The following DNAJB5 variants were observed in gnomAD, a reference collection of about 807,000 sequenced individuals.
DNAJB5 encodes the protein dnaJ homolog subfamily B member 5.
A neutral mutation model predicts 32.6 loss-of-function variants in DNAJB5; 12 were observed. That is an observed-to-expected ratio of 0.37 (90% CI 0.24 to 0.60). DNAJB5 has a LOEUF of 0.60. Ranked by LOEUF, DNAJB5 falls within the 20% of genes least tolerant of loss-of-function variation. DNAJB5 has a pLI of 0.71. For synonymous variants in DNAJB5, 188 were observed against 212.9 expected (o/e 0.88, Z 1.02); for missense variants, 358 against 554.2 (o/e 0.65, Z 3.55).
In DNAJB5 at chr9:34,993,246, T is replaced by C. The variant is rs774759155; in HGVS notation, c.229T>C (p.Tyr77His). 6.2e-7 allele frequency: 1 copy of C among 1,613,978 alleles called. No homozygotes were observed. The highest frequency in any genetic ancestry group is 2.2e-5 in the East Asian group (1 of 44,872). The change falls in exon 3 of 5, where the codon TAT becomes CAT. Residue 77 changes from tyrosine (Y) to histidine (H), a missense_variant. Around this residue, in one of 2 missense-constraint regions of DNAJB5, gnomAD observed 110 missense variants for 111.7 expected, o/e 0.99. Transcript: ENST00000682809. This position sits in a 1 kb window ranked among gnomAD's most constrained non-coding sequence, Gnocchi z 4.7. The stretch of plus-strand genomic sequence containing the variant: ...TCCAGTGGCTGTGATGGGAAAAGAT[T>C]ATTACAAGATTCTTGGGATCCCATC... ...AGPVAVMGKDYYKILGIPSGA... is the reference protein window; with the variant it reads ...AGPVAVMGKDHYKILGIPSGA...
chr9:34,996,271 A>G lies in DNAJB5; in HGVS notation c.434A>G (p.Lys145Arg). Reference sequence around the variant, plus strand: ...AACTTCTCCTCCCCTCTAGGCCTGAAGACCGGCGGTGGCACATCAGGTGGC... The same window carrying G: ...AACTTCTCCTCCCCTCTAGGCCTGAGGACCGGCGGTGGCACATCAGGTGGC... ...LYDQYGEEGL[K>R]TGGGTSGGSS... The change falls in exon 4 of 5, where the codon AAG (lysine) becomes AGG (arginine). Residue 145 changes from lysine to arginine, a missense_variant. By Grantham distance (26) the Lys-to-Arg change is conservative. Around this residue, in one of 2 missense-constraint regions of DNAJB5, gnomAD observed 248 missense variants for 442.6 expected, o/e 0.56. Transcript: ENST00000682809. This position sits in a 1 kb window ranked among gnomAD's most constrained non-coding sequence, Gnocchi z 7.2. The G allele has an allele frequency of 6.2e-7, 1 of 1,613,106 alleles. No individual in the cohort carries two copies. Among genetic ancestry groups the G allele is most frequent in the Non-Finnish European group, 8.5e-7 (1 of 1,179,292 alleles).
downstream of DNAJB5, chr9:34,998,803 G>A (rs1158887448): frequency 1.3e-5 from 2 of 150,378 alleles, no homozygotes; most frequent in African/African-American, 4.9e-5. Context: ...AGGAGGGGGT[G>A]GAGAACTTTT....
In DNAJB5 at chr9:34,991,620, C is replaced by T. The variant is rs1012058580; in HGVS notation, c.182+808C>T. The T allele has an allele frequency of 2.4e-5, 5 of 212,516 alleles. No homozygotes were observed. In the East Asian group the frequency reaches 3.9e-4, roughly 16 times the overall value. The allele number at this position is 212,516 out of a possible 1,614,324, so 13.2% of individuals were successfully genotyped here. A position where few individuals can be genotyped will look rare whatever the true frequency, so the allele number is the denominator to read the frequency against. Reference sequence around the variant, plus strand: ...TGAGGCAGAAATGGCAGACCACCCCCCCCCGCTCCCTCTCAGACGGCTTTT... The same window carrying T: ...TGAGGCAGAAATGGCAGACCACCCCTCCCCGCTCCCTCTCAGACGGCTTTT... On this transcript the variant is annotated intron_variant, in intron 2 of 4. Transcript: ENST00000682809.
chr9:34,996,437 C>T lies in DNAJB5; in HGVS notation c.600C>T (p.Asp200=), dbSNP rs376527177. ...TRPFSGFDPD[D]MDVDEDEDPF... is the part of the protein sequence containing the mutation. ...CCTTCAGTGGCTTTGACCCAGATGA[C>T]ATGGATGTGGATGAAGATGAGGACC... Residue 200 remains aspartate (D), a synonymous_variant, in exon 4 of 5, where the codon GAC becomes GAT. Transcript: ENST00000682809. This position sits in a 1 kb window ranked among gnomAD's most constrained non-coding sequence, Gnocchi z 7.2. The T allele has an allele frequency of 1.2e-5, 20 of 1,614,044 alleles. No homozygotes were observed. The Middle Eastern group carries it at 6.6e-4, about 53-fold the overall frequency.
chr9:34,995,150 C>T (rs1025578502), intron 3 of DNAJB5, among the ~76,000 whole-genome samples: 7 of 152,086 alleles, frequency 4.6e-5, no homozygotes, highest in South Asian at 2.1e-4. Flanking sequence ...GTCCCTGAAC[C>T]GTCTGCCACT....
chr9:34,997,438 G>C lies in DNAJB5; in HGVS notation c.*179G>C. The stretch of plus-strand genomic sequence containing the variant: ...GACCCCTTTTAGAGCTGGGCTGCCT[G>C]GGGGGAGTGGGAGGGAGGTGGGGAG... On this transcript the variant is annotated 3_prime_UTR_variant, in exon 5 of 5. Transcript: ENST00000682809. This position sits in a 1 kb window ranked among gnomAD's most constrained non-coding sequence, Gnocchi z 4.1. 1 of 749,218 alleles carries C rather than the reference G, an allele frequency of 1.3e-6. No homozygotes were observed. The highest frequency in any genetic ancestry group is 2.3e-6 in the Non-Finnish European group (1 of 429,406). 46.4% of individuals were successfully genotyped at this position (749,218 alleles called of 1,614,324 possible).
rs373116154 is a variant in DNAJB5, at chr9:34,997,260, G to A, written c.*1G>A. The stretch of plus-strand genomic sequence containing the variant: ...TAAGCAGCACCTACCCTGTTCCTAG[G>A]CTCTGCCCCAGCCAGTCCAGAGCCT... On this transcript the variant is annotated 3_prime_UTR_variant, in exon 5 of 5. Transcript: ENST00000682809. This position sits in a 1 kb window ranked among gnomAD's most constrained non-coding sequence, Gnocchi z 4.1. 6.2e-7 allele frequency: 1 copy of A among 1,613,968 alleles called. No homozygotes were observed. Among genetic ancestry groups the A allele is most frequent in the Admixed American group, 1.7e-5 (1 of 60,012 alleles).
chr9:34,998,854 G>A (rs1008478732), downstream of DNAJB5: 5 of 132,280 alleles, frequency 3.8e-5, no homozygotes, highest in Admixed American at 9.1e-5. Context: ...TTGCTCTGTC[G>A]CCCAGGCTGG....
Position 34,993,552 on chromosome 9 carries a change from C to T in DNAJB5, c.427+108C>T. The T allele has an allele frequency of 6.9e-7, 1 of 1,439,964 alleles. No homozygotes were observed. Among genetic ancestry groups the T allele is most frequent in the Non-Finnish European group, 9.3e-7 (1 of 1,071,954 alleles). The allele number at this position is 1,439,964 out of a possible 1,614,324, so 89.2% of individuals were successfully genotyped here. ...CTGGAGGCTGTGGAGGGGGTGAGGGCAGCAAGGGTTTCCAGCACTGTCACC... is the reference window on the plus strand; with the variant it reads ...CTGGAGGCTGTGGAGGGGGTGAGGGTAGCAAGGGTTTCCAGCACTGTCACC... On this transcript the variant is annotated intron_variant, in intron 3 of 4. Coordinates refer to ENST00000682809, the MANE Select transcript of DNAJB5 (RefSeq NM_001349723.3). This position sits in a 1 kb window ranked among gnomAD's most constrained non-coding sequence, Gnocchi z 4.7.
At position 34,990,880 on chromosome 9, in the gene DNAJB5, C is replaced by T. The variant is rs1175073944; in HGVS notation, c.182+68C>T. 18 of 1,459,422 alleles carry T rather than the reference C, an allele frequency of 1.2e-5. No individual in the cohort carries two copies. Among genetic ancestry groups the T allele is most frequent in the Non-Finnish European group, 1.6e-5 (18 of 1,091,088 alleles). The allele number at this position is 1,459,422 out of a possible 1,614,324, so 90.4% of individuals were successfully genotyped here. On this transcript the variant is annotated intron_variant, in intron 2 of 4. Coordinates refer to ENST00000682809, the MANE Select transcript of DNAJB5 (RefSeq NM_001349723.3). This position sits in a 1 kb window ranked among gnomAD's most constrained non-coding sequence, Gnocchi z 4.5. ...AAACCCTCCACGCGGCCATCCCCTCCATTGCCTTCCTGCTTCCTCCAACTC... is the reference window on the plus strand; with the variant it reads ...AAACCCTCCACGCGGCCATCCCCTCTATTGCCTTCCTGCTTCCTCCAACTC...
At chr9:34,994,748 C>T (rs1381532920) in intron 3 of DNAJB5, among the ~76,000 whole-genome samples, 2 of 152,290 alleles carry the variant, frequency 1.3e-5, no homozygotes, top group Admixed American at 6.5e-5. Context: ...GATGCAGAAC[C>T]CCATCCCAGG....
intron 2 of DNAJB5, chr9:34,991,231 C>T: frequency 2.2e-6 from 1 of 448,170 alleles, no homozygotes; most frequent in Non-Finnish European, 4.5e-6. Context: ...TAACATCCTC[C>T]TCATTCTTCT....
At position 34,990,821 on chromosome 9, in the gene DNAJB5, C is replaced by T; in HGVS notation, c.182+9C>T. On this transcript the variant is annotated intron_variant, in intron 2 of 4. Transcript: ENST00000682809. The surrounding 1 kb of genome is among the most constrained non-coding windows in gnomAD (Gnocchi z 4.5). ...GGGTTTGTAAAGTTTCGGTAAGTCCCTCCGGAGAAGGGCACTCACACCCAT... is the reference window on the plus strand; with the variant it reads ...GGGTTTGTAAAGTTTCGGTAAGTCCTTCCGGAGAAGGGCACTCACACCCAT... 1 of 1,546,744 alleles carries T rather than the reference C, an allele frequency of 6.5e-7. No individual in the cohort carries two copies. The highest frequency in any genetic ancestry group is 8.7e-7 in the Non-Finnish European group (1 of 1,144,666).
rs1827580022 is a variant in DNAJB5 at position 34,990,106 on chromosome 9, C to G, written c.-133+275C>G. The G allele has an allele frequency of 1.3e-6, 1 of 763,242 alleles. No homozygotes were observed. Among genetic ancestry groups the G allele is most frequent in the South Asian group, 1.9e-5 (1 of 53,958 alleles). The allele number at this position is 763,242 out of a possible 1,614,324, so 47.3% of individuals were successfully genotyped here. On this transcript the variant is annotated intron_variant, in intron 1 of 4. Coordinates refer to ENST00000682809, the MANE Select transcript of DNAJB5 (RefSeq NM_001349723.3). This position sits in a 1 kb window ranked among gnomAD's most constrained non-coding sequence, Gnocchi z 4.5. ...TGGGGCGGAGGCATCTGTGAGCAGA[C>G]CAGCCAGCCAGCGCGGGTGACATCA...
In DNAJB5 at chr9:34,990,802, G is replaced by C. The variant is rs1827606992; in HGVS notation, c.172G>C (p.Val58Leu). 9 of 1,550,910 alleles carry C rather than the reference G, an allele frequency of 5.8e-6. No homozygotes were observed. The highest frequency in any genetic ancestry group is 7.8e-6 in the Non-Finnish European group (9 of 1,146,658). The change falls in exon 2 of 5, where the codon GTA (valine) becomes CTA (leucine). Residue 58 changes from valine to leucine, a missense_variant. Transcript: ENST00000682809. The surrounding 1 kb of genome is among the most constrained non-coding windows in gnomAD (Gnocchi z 4.5). ...TCGAGCGTGGACGCTGAATGGGTTTGTAAAGTTTCGGTAAGTCCCTCCGGA... is the reference window on the plus strand; with the variant it reads ...TCGAGCGTGGACGCTGAATGGGTTTCTAAAGTTTCGGTAAGTCCCTCCGGA... ...KLRAWTLNGF[V>L]KFRNKETSAG...
At chr9:34,994,717 G>A (rs1383643096) in intron 3 of DNAJB5, among the ~76,000 whole-genome samples, 3 of 152,162 alleles carry the variant, frequency 2.0e-5, no homozygotes, top group Non-Finnish European at 4.4e-5. Context: ...CCTAAGTGAA[G>A]GGGTCCAGAC....
At position 34,997,091 on chromosome 9, in the gene DNAJB5, T is replaced by C; in HGVS notation, c.1095T>C (p.Asn365=). The change falls in exon 5 of 5, where the codon AAT becomes AAC. Residue 365 remains asparagine (N), a synonymous_variant. Coordinates refer to ENST00000682809, the MANE Select transcript of DNAJB5 (RefSeq NM_001349723.3). This position sits in a 1 kb window ranked among gnomAD's most constrained non-coding sequence, Gnocchi z 4.1. ...IDGRVIPLPC[N]DVIKPGTVKR... ...GCCGAGTGATCCCTTTGCCCTGCAA[T>C]GATGTCATCAAGCCAGGCACCGTGA... 1.2e-6 allele frequency: 2 copies of C among 1,614,158 alleles called. No homozygotes were observed. Among genetic ancestry groups the C allele is most frequent in the Non-Finnish European group, 1.7e-6 (2 of 1,180,040 alleles).
At position 34,990,326 on chromosome 9, in the gene DNAJB5, C is replaced by T. The variant is rs1178669633; in HGVS notation, c.-132-173C>T. The T allele has an allele frequency of 4.1e-6, 6 of 1,460,714 alleles. No individual in the cohort carries two copies. Among genetic ancestry groups the T allele is most frequent in the Non-Finnish European group, 5.5e-6 (6 of 1,100,058 alleles). The allele number at this position is 1,460,714 out of a possible 1,614,324, so 90.5% of individuals were successfully genotyped here. On this transcript the variant is annotated intron_variant, in intron 1 of 4. Coordinates refer to ENST00000682809, the MANE Select transcript of DNAJB5 (RefSeq NM_001349723.3). The surrounding 1 kb of genome is among the most constrained non-coding windows in gnomAD (Gnocchi z 4.5). ...ACAGGAGCTCACTGCCTCTCGGGCC[C>T]TCACAATCACACCTGTCACAGGTAT...
At position 34,990,811 on chromosome 9, in the gene DNAJB5, C is replaced by T. The variant is rs1269286352; in HGVS notation, c.181C>T (p.Arg61Ter). 3.9e-6 allele frequency: 6 copies of T among 1,549,518 alleles called. No homozygotes were observed. Among genetic ancestry groups the T allele is most frequent in the Non-Finnish European group, 4.4e-6 (5 of 1,146,066 alleles). Residue 61 changes from arginine to a stop codon, truncating the protein, a stop_gained and splice_region_variant, in exon 2 of 5, where the codon CGA (arginine) becomes TGA (stop). Transcript: ENST00000682809. LOFTEE classifies it high-confidence loss of function. The surrounding 1 kb of genome is among the most constrained non-coding windows in gnomAD (Gnocchi z 4.5). ...AWTLNGFVKFRNKETSAGPVA... is the reference protein window; with the variant it reads ...AWTLNGFVKF ...GACGCTGAATGGGTTTGTAAAGTTT[C>T]GGTAAGTCCCTCCGGAGAAGGGCAC... is the stretch of plus-strand genomic sequence containing the variant.
Sources: gnomAD v4.1 joint callset for allele counts (sites outside exome capture counted in the v4.1 genomes callset) on GRCh38, gnomAD v4.1.1 for gene constraint, gnomAD v4.1.1 regional missense constraint, Gnocchi (gnomAD v3.1) non-coding constraint, MANE v1.5 for transcripts, NCBI Gene and HGNC (gene_info 2026-07-23, HGNC 2026-07-21) for gene names.